Variants in NDUFA9 observed in about 807,000 individuals in gnomAD.
NDUFA9 encodes NADH:ubiquinone oxidoreductase subunit A9, also known as NADH dehydrogenase [ubiquinone] 1 alpha subcomplex subunit 9, mitochondrial.
Under a neutral mutation model 45.9 loss-of-function variants are expected in NDUFA9, and 23 were observed. That is an observed-to-expected ratio of 0.50 (90% confidence interval 0.36 to 0.71). NDUFA9 has a LOEUF of 0.71. Ranked by LOEUF, NDUFA9 falls within the 30% of genes least tolerant of loss-of-function variation. The pLI is 0.00. For missense variants in NDUFA9, 466 were observed against 488.2 expected, an observed-to-expected ratio of 0.95 and a Z score of 0.43; for synonymous variants, 176 against 170.5, an observed-to-expected ratio of 1.03 and a Z score of -0.25.
intron 7 of NDUFA9, 41 bp from the exon 8 acceptor site, chr12:4,669,700 T>C (rs1341657294): frequency 7.6e-7 from 1 of 1,316,234 alleles, no homozygotes; most frequent in South Asian, 1.2e-5. Flanking sequence ...TTCTGTCTCT[T>C]TTTCAACAAT....
intron 9 of NDUFA9, among the ~76,000 whole-genome samples, chr12:4,683,851 T>C (rs1027469264): frequency 5.3e-5 from 8 of 152,206 alleles, no homozygotes; most frequent in African/African-American, 1.9e-4. Flanking sequence ...CCTAGAACAA[T>C]GCCTGGTACA....
At position 4,671,009 on chromosome 12, in the gene NDUFA9, G is replaced by A. The variant is rs987801106; in HGVS notation, c.800+1192G>A. ...GTAAGTCATTCTTGTTTGGCGTAAC[G>A]ATGGGAAAAATAATACTAGACATTG... is the stretch of plus-strand genomic sequence containing the variant. On this transcript the variant is annotated intron_variant, in intron 8 of 10. Coordinates refer to ENST00000266544, the MANE Select transcript of NDUFA9 (RefSeq NM_005002.5). 1.1e-4 allele frequency among the ~76,000 whole-genome samples: 16 copies of A among 152,254 alleles called. No homozygotes were observed. In the East Asian group the frequency reaches 1.3e-3, roughly 13 times the overall value.
intron 9 of NDUFA9, among the ~76,000 whole-genome samples, chr12:4,684,165 T>G (rs1397194465): frequency 1.3e-5 from 2 of 152,238 alleles, no homozygotes; most frequent in Admixed American, 1.3e-4. Flanking sequence ...TTAAGCTATG[T>G]TAGCCCAATA....
At chr12:4,662,713 C>G in intron 6 of NDUFA9, 78 bp downstream of exon 6, 1 of 1,126,292 alleles carries the variant, frequency 8.9e-7, no homozygotes, top group South Asian at 1.3e-5. Flanking sequence ...ACAGTTTTCT[C>G]TGATTGACAG....
chr12:4,694,212 G>A lies in NDUFA9; in HGVS notation c.*7104G>A, dbSNP rs1787366476. 6.6e-6 allele frequency: 1 copy of A among 152,188 alleles called. No individual in the cohort carries two copies. The highest frequency in any genetic ancestry group is 2.4e-5 in the African/African-American group (1 of 41,432). 9.4% of individuals were successfully genotyped at this position (152,188 alleles called of 1,614,324 possible). A position where few individuals can be genotyped will look rare whatever the true frequency, so the allele number is the denominator to read the frequency against. ...TCACCCGACCTCCTTCCCCAGTTTT[G>A]CTTCTATTAGCACATTTATTTCAGT... On this transcript the variant is annotated 3_prime_UTR_variant, in exon 11 of 11. Coordinates refer to ENST00000266544, the MANE Select transcript of NDUFA9 (RefSeq NM_005002.5).
chr12:4,692,606 G>A lies in NDUFA9; in HGVS notation c.*5498G>A, dbSNP rs1434733445. On this transcript the variant is annotated 3_prime_UTR_variant, in exon 11 of 11. Coordinates refer to ENST00000266544, the MANE Select transcript of NDUFA9 (RefSeq NM_005002.5). ...GCAGTCAGGCTGAGGGGAGCATGAA[G>A]GCCATCTTGATGGGGGAAATCTTTT... is the stretch of plus-strand genomic sequence containing the variant. 1 of 152,218 alleles carries A rather than the reference G, an allele frequency of 6.6e-6. No individual in the cohort carries two copies. Among genetic ancestry groups the A allele is most frequent in the African/African-American group, 2.4e-5 (1 of 41,440 alleles). The allele number at this position is 152,218 out of a possible 1,614,324, so 9.4% of individuals were successfully genotyped here.
chr12:4,653,545 C>T (rs1259031573), intron 1 of NDUFA9: 3 of 430,370 alleles, frequency 7.0e-6, no homozygotes, highest in Non-Finnish European at 1.4e-5. Flanking sequence ...TACCAAGAAC[C>T]TCAGTCAATG....
At chr12:4,650,948 A>T (rs1945756042) in intron 1 of NDUFA9, among the ~76,000 whole-genome samples, 2 of 152,206 alleles carry the variant, frequency 1.3e-5, no homozygotes, top group Admixed American at 1.3e-4. Flanking sequence ...TTAGATCGGT[A>T]GTCTCCAAAG....
intron 5 of NDUFA9, among the ~76,000 whole-genome samples, chr12:4,661,414 G>T (rs188125385): frequency 6.6e-5 from 10 of 152,170 alleles, no homozygotes; most frequent in Admixed American, 4.6e-4. Flanking sequence ...AATGTTGAGG[G>T]CCTGGTTAAA....
chr12:4,654,527 A>T, intron 2 of NDUFA9, 65 bp downstream of exon 2: 1 of 1,535,722 alleles, frequency 6.5e-7, no homozygotes, highest in Non-Finnish European at 8.9e-7. Context: ...GATGAGAAGC[A>T]TGAGCTATGT....
chr12:4,681,576 T>C (rs1331315094), intron 8 of NDUFA9, among the ~76,000 whole-genome samples: 23 of 148,574 alleles, frequency 1.5e-4, no homozygotes, highest in Non-Finnish European at 3.1e-4. Flanking sequence ...TTATATATAA[T>C]TACATATATA....
At chr12:4,678,753 A>G (rs1048622261) in intron 8 of NDUFA9, among the ~76,000 whole-genome samples, 1 of 152,208 alleles carries the variant, frequency 6.6e-6, no homozygotes, top group Non-Finnish European at 1.5e-5. Context: ...ATGAGATACC[A>G]GTTCACAGAG....
At chr12:4,666,676 A>G (rs1945855047) in intron 6 of NDUFA9, among the ~76,000 whole-genome samples, 1 of 152,146 alleles carries the variant, frequency 6.6e-6, no homozygotes. Context: ...AAATCATTTG[A>G]CCATATATGC....
chr12:4,670,924 A>G (rs140232086), intron 8 of NDUFA9, among the ~76,000 whole-genome samples: 2,440 of 152,336 alleles, frequency 0.016, 24 homozygotes, highest in Non-Finnish European at 0.026. Context: ...CTAGCTCTGG[A>G]TGAGTTGCAC....
intron 1 of NDUFA9, 22 bp downstream of exon 1, chr12:4,649,197 G>A (rs1462598657): frequency 1.3e-6 from 2 of 1,597,092 alleles, no homozygotes; most frequent in South Asian, 1.1e-5. Context: ...CGGGAACGGC[G>A]GCCCCTGGTC....
At chr12:4,684,939 A>G in intron 9 of NDUFA9, 1 of 588,096 alleles carries the variant, frequency 1.7e-6, no homozygotes, top group Non-Finnish European at 3.0e-6. Flanking sequence ...ATTGAATTTC[A>G]CAGACTTGAT....
rs1945986400 is a variant in NDUFA9 at position 4,686,357 on chromosome 12, G to C, written c.964-581G>C. Among the ~76,000 whole-genome samples the C allele has an allele frequency of 2.0e-5, 3 of 151,038 alleles. No individual in the cohort carries two copies. The South Asian group carries it at 6.3e-4, about 32-fold the overall frequency. On this transcript the variant is annotated intron_variant, in intron 10 of 10. Transcript: ENST00000266544. Reference sequence around the variant, plus strand: ...TTTCCCTATAAACAAGATGGGTTTGGTTTTCTAGCTCTACAGTGAGCATTA... The same window carrying C: ...TTTCCCTATAAACAAGATGGGTTTGCTTTTCTAGCTCTACAGTGAGCATTA...
At chr12:4,650,808 G>T (rs746271028) in intron 1 of NDUFA9, among the ~76,000 whole-genome samples, 2 of 152,142 alleles carry the variant, frequency 1.3e-5, no homozygotes, top group Non-Finnish European at 2.9e-5. Context: ...AAGACAAGTG[G>T]GTGAGAATGG....
rs1365820266 is a variant in NDUFA9, at chr12:4,691,373, C to T, written c.*4265C>T. 1 of 152,202 alleles carries T rather than the reference C, an allele frequency of 6.6e-6. No individual in the cohort carries two copies. Among genetic ancestry groups the T allele is most frequent in the African/African-American group, 2.4e-5 (1 of 41,444 alleles). 9.4% of individuals were successfully genotyped at this position (152,202 alleles called of 1,614,324 possible). A position where few individuals can be genotyped will look rare whatever the true frequency, so the allele number is the denominator to read the frequency against. On this transcript the variant is annotated 3_prime_UTR_variant, in exon 11 of 11. Coordinates refer to ENST00000266544, the MANE Select transcript of NDUFA9 (RefSeq NM_005002.5). ...TCCTGAGAAGGAGGGATTCCTATTT[C>T]CCAAATGCTGGAAACAGGGACTTAT...
Sources: allele counts gnomAD v4.1 joint callset (sites outside exome capture counted in the v4.1 genomes callset), GRCh38; gene constraint gnomAD v4.1.1; transcripts MANE v1.5; gene names NCBI Gene and HGNC (gene_info 2026-07-23, HGNC 2026-07-21).